RTN4: variants seen among roughly 807,000 people sequenced by gnomAD.
RTN4 encodes reticulon-4.
In RTN4, 32 loss-of-function variants were observed where a neutral mutation model predicts 90.4. The observed-to-expected ratio is 0.35, with a 90% CI of 0.27 to 0.48. The LOEUF is 0.48. Among genes scored for constraint, RTN4 ranks in the 20% least tolerant of loss-of-function variants. The probability of loss-of-function intolerance (pLI) is 0.99; values close to 1 mark genes in which losing one functional copy is unlikely to be tolerated. For synonymous variants in RTN4, 629 were observed against 552.5 expected (o/e 1.14, Z -1.94); for missense variants, 1,706 against 1,430.2 (o/e 1.19, Z -3.11).
the RTN4 span, among the ~76,000 whole-genome samples, chr2:55,118,517 T>C: frequency 2.2e-4 from 33 of 152,058 alleles, no homozygotes; most frequent in Non-Finnish European, 3.8e-4. Context: ...GTATAGAATA[T>C]GGTCCTCTGC....
intron 1 of RTN4, among the ~76,000 whole-genome samples, chr2:55,083,195 C>A (rs1194529252): frequency 6.6e-6 from 1 of 152,096 alleles, no homozygotes; most frequent in Non-Finnish European, 1.5e-5. Context: ...ATAAATATAA[C>A]AATAAAAACA....
chr2:55,092,655 G>C (rs1048250377), intron 1 of RTN4, among the ~76,000 whole-genome samples: 3 of 152,208 alleles, frequency 2.0e-5, no homozygotes, highest in African/African-American at 7.2e-5. Context: ...CCCTCTGTCA[G>C]AGGCCACACC....
chr2:54,983,184 T>C (rs141627116), intron 4 of RTN4, among the ~76,000 whole-genome samples: 9 of 151,972 alleles, frequency 5.9e-5, no homozygotes, highest in Non-Finnish European at 1.2e-4. Flanking sequence ...AATTGTTCAA[T>C]ATGTCAAGCA....
Position 54,982,385 on chromosome 2 carries a change from A to G in RTN4, c.3360+130T>C, listed in dbSNP as rs1051432089. 9.8e-6 allele frequency: 8 copies of G among 817,468 alleles called. No homozygotes were observed. In the African/African-American group the frequency reaches 1.2e-4, roughly 13 times the overall value. 50.6% of individuals were successfully genotyped at this position (817,468 alleles called of 1,614,324 possible). A position where few individuals can be genotyped will look rare whatever the true frequency, so the allele number is the denominator to read the frequency against. Reference sequence around the variant, plus strand: ...TTGATTGGATTCTGAATTTTAAAACACAAGTTTACAGCCATGTGATTTAAT... The same window carrying G: ...TTGATTGGATTCTGAATTTTAAAACGCAAGTTTACAGCCATGTGATTTAAT... On this transcript the variant is annotated intron_variant, in intron 5 of 8. Coordinates refer to ENST00000337526, the MANE Select transcript of RTN4 (RefSeq NM_020532.5).
At chr2:54,991,967 T>G (rs979998971) in intron 3 of RTN4, among the ~76,000 whole-genome samples, 5 of 152,202 alleles carry the variant, frequency 3.3e-5, no homozygotes, top group Admixed American at 6.5e-5. Flanking sequence ...CTGATCTACA[T>G]TCTCCAATCT....
chr2:55,130,448 T>C, the RTN4 span, among the ~76,000 whole-genome samples: 3 of 152,140 alleles, frequency 2.0e-5, no homozygotes, highest in Non-Finnish European at 4.4e-5. Flanking sequence ...AATGTATACA[T>C]ATATTAAAAC....
chr2:55,062,008 G>T (rs1668303924), intron 2 of RTN4, among the ~76,000 whole-genome samples: 1 of 152,148 alleles, frequency 6.6e-6, no homozygotes, highest in Admixed American at 6.6e-5. Flanking sequence ...GATTTCGAGA[G>T]GACATCAAGA....
chr2:54,998,189 G>T (rs775637832), intron 3 of RTN4, among the ~76,000 whole-genome samples: 25 of 148,616 alleles, frequency 1.7e-4, no homozygotes, highest in Middle Eastern at 3.4e-3. Flanking sequence ...AGGGGCTGGG[G>T]AAAAAGGGAA....
At chr2:55,083,301 G>C (rs990245022) in intron 1 of RTN4, among the ~76,000 whole-genome samples, 4 of 152,196 alleles carry the variant, frequency 2.6e-5, no homozygotes, top group African/African-American at 7.2e-5. Context: ...TTTGAGACCA[G>C]CCTGGCCAAC....
At chr2:55,130,668 T>C in the RTN4 span, among the ~76,000 whole-genome samples, 1 of 152,194 alleles carries the variant, frequency 6.6e-6, no homozygotes, top group Non-Finnish European at 1.5e-5. Flanking sequence ...GGAGGATCTC[T>C]TGAACCCAAG....
chr2:55,114,628 G>A (rs915171917), upstream of RTN4, among the ~76,000 whole-genome samples: 19 of 152,300 alleles, frequency 1.2e-4, no homozygotes, highest in African/African-American at 4.3e-4. Context: ...GAACCCAGGA[G>A]GTGGAGGTTG....
the RTN4 span, among the ~76,000 whole-genome samples, chr2:55,120,623 T>C: frequency 3.9e-5 from 6 of 152,184 alleles, no homozygotes; most frequent in Admixed American, 3.9e-4. Flanking sequence ...TACATTTCTA[T>C]GCTTTCTCTA....
chr2:55,072,164 A>T (rs566590618), intron 2 of RTN4, among the ~76,000 whole-genome samples: 247 of 152,188 alleles, frequency 1.6e-3, no homozygotes, highest in Non-Finnish European at 3.2e-3. Flanking sequence ...TTTTTTCAAA[A>T]AAAAATATGT....
intron 3 of RTN4, among the ~76,000 whole-genome samples, chr2:55,014,750 C>T (rs1241821938): frequency 3.3e-5 from 5 of 152,110 alleles, no homozygotes; most frequent in South Asian, 4.1e-4. Context: ...CTCCTGACCT[C>T]GTGATCTGCC....
intron 3 of RTN4, among the ~76,000 whole-genome samples, chr2:55,008,844 T>C (rs943590763): frequency 6.6e-6 from 1 of 152,182 alleles, no homozygotes; most frequent in Non-Finnish European, 1.5e-5. Context: ...ATTATTATCA[T>C]TTGTATCATT....
At chr2:55,110,700 T>G (rs1668022735) in intron 1 of RTN4, among the ~76,000 whole-genome samples, 1 of 152,064 alleles carries the variant, frequency 6.6e-6, no homozygotes, top group African/African-American at 2.4e-5. Flanking sequence ...ACTCCAGAAA[T>G]AAAATAGAAA....
chr2:55,018,531 GT>G (rs141531030), intron 3 of RTN4, among the ~76,000 whole-genome samples: 26,311 of 149,340 alleles, frequency 0.18, 4,639 homozygotes, highest in African/African-American at 0.46. Context: ...CTTTTATCAA[GT>G]TTTTTTTTTA....
At chr2:55,017,173 A>C (rs1056484015) in intron 3 of RTN4, among the ~76,000 whole-genome samples, 1 of 152,208 alleles carries the variant, frequency 6.6e-6, no homozygotes, top group African/African-American at 2.4e-5. Flanking sequence ...AACTTACATC[A>C]AAATTTTCCA....
chr2:54,979,642 G>A lies in RTN4; in HGVS notation c.3360+2873C>T, dbSNP rs117963313. On this transcript the variant is annotated intron_variant, in intron 5 of 8. Coordinates refer to ENST00000337526, the MANE Select transcript of RTN4 (RefSeq NM_020532.5). ...AATTCTTGTGTGGCAAAATCACAAG[G>A]TTTATCGTTTATCAAGGAAGACCTT... is the stretch of plus-strand genomic sequence containing the variant. Among the ~76,000 whole-genome samples, 62 of 152,260 alleles carry A rather than the reference G, an allele frequency of 4.1e-4. No homozygotes were observed. The East Asian group carries it at 0.012, about 28-fold the overall frequency.
Sources: allele counts gnomAD v4.1 joint callset (sites outside exome capture counted in the v4.1 genomes callset), GRCh38; gene constraint gnomAD v4.1.1; transcripts MANE v1.5; gene names NCBI Gene and HGNC (gene_info 2026-07-23, HGNC 2026-07-21).